Variants in SLC24A3 observed in about 807,000 individuals in gnomAD.
The protein encoded by SLC24A3 is sodium/potassium/calcium exchanger 3.
In SLC24A3, 28 loss-of-function variants were observed where a neutral mutation model predicts 75.8. The observed-to-expected ratio is 0.37, with a 90% CI of 0.27 to 0.51. SLC24A3 has a LOEUF of 0.51. Among genes scored for constraint, SLC24A3 ranks in the 20% least tolerant of loss-of-function variants. SLC24A3 has a pLI of 0.94. For synonymous variants in SLC24A3, 372 were observed against 334.1 expected, an observed-to-expected ratio of 1.11 and a Z score of -1.24; for missense variants, 663 against 847.8, an observed-to-expected ratio of 0.78 and a Z score of 2.71.
chr20:19,347,706 A>T (rs1985458338), intron 2 of SLC24A3, among the ~76,000 whole-genome samples: 1 of 152,212 alleles, frequency 6.6e-6, no homozygotes, highest in South Asian at 2.1e-4. Flanking sequence ...CATTATAGAA[A>T]TGGAAAATAC....
At chr20:19,231,985 G>A (rs1057497362) in intron 1 of SLC24A3, among the ~76,000 whole-genome samples, 2 of 152,258 alleles carry the variant, frequency 1.3e-5, no homozygotes, top group African/African-American at 4.8e-5. Context: ...ATTCATGGCT[G>A]TATGCCCAGT....
intron 6 of SLC24A3, among the ~76,000 whole-genome samples, chr20:19,635,208 A>C (rs1327716998): frequency 6.6e-6 from 1 of 152,206 alleles, no homozygotes; most frequent in Non-Finnish European, 1.5e-5. Flanking sequence ...TTGCCCAGAT[A>C]CCAATAATGC....
intron 6 of SLC24A3, among the ~76,000 whole-genome samples, chr20:19,641,183 T>G (rs2032071746): frequency 6.6e-6 from 1 of 152,186 alleles, no homozygotes; most frequent in African/African-American, 2.4e-5. Flanking sequence ...TTAAGTTGTC[T>G]GATTACCCTG....
intron 9 of SLC24A3, among the ~76,000 whole-genome samples, chr20:19,675,477 T>C (rs1483245082): frequency 6.6e-6 from 1 of 152,146 alleles, no homozygotes; most frequent in Non-Finnish European, 1.5e-5. Flanking sequence ...ACAGGAGCAA[T>C]GAAGGTAGAA....
intron 3 of SLC24A3, among the ~76,000 whole-genome samples, chr20:19,555,543 T>G (rs988323361): frequency 6.6e-6 from 1 of 152,222 alleles, no homozygotes; most frequent in African/African-American, 2.4e-5. Flanking sequence ...CAAAAACCAC[T>G]GGTCTACAGA....
chr20:19,266,398 ATT>A (rs1229237595), intron 1 of SLC24A3, among the ~76,000 whole-genome samples: 1 of 152,178 alleles, frequency 6.6e-6, no homozygotes, highest in Non-Finnish European at 1.5e-5. Flanking sequence ...AAACCACTGT[ATT>A]TCTTTTCCCT....
intron 2 of SLC24A3, among the ~76,000 whole-genome samples, chr20:19,415,357 C>T (rs1270922474): frequency 6.6e-6 from 1 of 152,180 alleles, no homozygotes; most frequent in Non-Finnish European, 1.5e-5. Context: ...TTGTGCAGTG[C>T]ACGGTGTGAC....
chr20:19,262,332 G>C (rs1395967341), intron 1 of SLC24A3, among the ~76,000 whole-genome samples: 1 of 150,426 alleles, frequency 6.6e-6, no homozygotes. Context: ...GTGAACCCGG[G>C]AGGCGGAGCT....
intron 2 of SLC24A3, among the ~76,000 whole-genome samples, chr20:19,364,709 T>C (rs370185886): frequency 6.6e-6 from 1 of 152,058 alleles, no homozygotes; most frequent in Non-Finnish European, 1.5e-5. Flanking sequence ...CCTGCCTTGG[T>C]CTCCCAACAT....
At chr20:19,308,529 G>C (rs1234789724) in intron 2 of SLC24A3, among the ~76,000 whole-genome samples, 11 of 152,222 alleles carry the variant, frequency 7.2e-5, no homozygotes, top group Admixed American at 7.2e-4. Flanking sequence ...TGGTGTTGGA[G>C]AGCTGAATCA....
chr20:19,680,154 G>A (rs1303955255), intron 9 of SLC24A3, among the ~76,000 whole-genome samples: 1 of 149,798 alleles, frequency 6.7e-6, no homozygotes, highest in African/African-American at 2.5e-5. Flanking sequence ...GTGTGTGTCT[G>A]TGTGTGTCTG....
chr20:19,392,264 G>C (rs1287890840), intron 2 of SLC24A3, among the ~76,000 whole-genome samples: 1 of 152,194 alleles, frequency 6.6e-6, no homozygotes, highest in Non-Finnish European at 1.5e-5. Context: ...CTGATCACCT[G>C]TGGGTACAGG....
intron 2 of SLC24A3, among the ~76,000 whole-genome samples, chr20:19,430,449 AG>A (rs1987081145): frequency 6.6e-6 from 1 of 152,086 alleles, no homozygotes; most frequent in Non-Finnish European, 1.5e-5. Flanking sequence ...AGGGAGGAAA[AG>A]GAGGGAAAGG....
intron 2 of SLC24A3, among the ~76,000 whole-genome samples, chr20:19,450,358 T>C (rs1987459159): frequency 6.6e-6 from 1 of 152,120 alleles, no homozygotes; most frequent in African/African-American, 2.4e-5. Context: ...TCACTTCCAA[T>C]GAGATTCTCA....
chr20:19,351,761 G>GA (rs1469254097), intron 2 of SLC24A3, among the ~76,000 whole-genome samples: 1 of 152,136 alleles, frequency 6.6e-6, no homozygotes, highest in African/African-American at 2.4e-5. Context: ...GAAGCAGGCT[G>GA]AACACAGTAA....
At position 19,685,154 on chromosome 20, in the gene SLC24A3, A is replaced by C. The variant is rs778571020; in HGVS notation, c.1117A>C (p.Ile373Leu). Residue 373 changes from isoleucine (I) to leucine (L), a missense_variant, in exon 12 of 17, where the codon ATC becomes CTC. By Grantham distance (5) the Ile-to-Leu change is conservative. Around this residue, in one of 2 missense-constraint regions of SLC24A3, gnomAD observed 510 missense variants for 703.6 expected, o/e 0.72. Coordinates refer to ENST00000328041, the MANE Select transcript of SLC24A3 (RefSeq NM_020689.4). ...TACCAACGGGGAATCTGAGGTGGCCATCAAAATCCCAATTAAGCACACCGT... is the reference window on the plus strand; with the variant it reads ...TACCAACGGGGAATCTGAGGTGGCCCTCAAAATCCCAATTAAGCACACCGT... ...AYTNGESEVA[I>L]KIPIKHTVEN... The C allele has an allele frequency of 1.2e-6, 2 of 1,613,890 alleles. No individual in the cohort carries two copies.
At chr20:19,676,742 C>G (rs1860400441) in intron 9 of SLC24A3, among the ~76,000 whole-genome samples, 1 of 152,162 alleles carries the variant, frequency 6.6e-6, no homozygotes, top group Non-Finnish European at 1.5e-5. Flanking sequence ...AGGTAGAAAC[C>G]TTCAAGGAGC....
chr20:19,678,319 G>A (rs1217489938), intron 9 of SLC24A3, among the ~76,000 whole-genome samples: 73 of 126,140 alleles, frequency 5.8e-4, no homozygotes, highest in Middle Eastern at 3.9e-3. Context: ...CAGACGGGGC[G>A]GCTGGCCGGG....
intron 2 of SLC24A3, among the ~76,000 whole-genome samples, chr20:19,507,792 C>T (rs1988482075): frequency 6.6e-6 from 1 of 152,194 alleles, no homozygotes; most frequent in South Asian, 2.1e-4. Flanking sequence ...TTTGACTGAG[C>T]TGTCCCTCCC....
Sources: allele counts gnomAD v4.1 joint callset (sites outside exome capture counted in the v4.1 genomes callset), GRCh38; gene constraint gnomAD v4.1.1; regional missense constraint gnomAD v4.1.1; transcripts MANE v1.5; gene names NCBI Gene and HGNC (gene_info 2026-07-23, HGNC 2026-07-21).